RABGAP1: variants seen among roughly 807,000 people sequenced by gnomAD.
RABGAP1 encodes the protein RAB GTPase activating protein 1, also known as rab GTPase-activating protein 1.
Under a neutral mutation model 137.6 loss-of-function variants are expected in RABGAP1, and 23 were observed. The observed-to-expected ratio is 0.17, with a 90% CI of 0.12 to 0.24. The LOEUF is 0.24. Ranked by LOEUF, RABGAP1 falls within the 10% of genes least tolerant of loss-of-function variation. RABGAP1 has a pLI of 1.00. For missense variants in RABGAP1, 906 were observed against 1,275.8 expected (o/e 0.71, Z 4.42); for synonymous variants, 451 against 450.7 (o/e 1.00, Z -0.01).
intron 13 of RABGAP1, among the ~76,000 whole-genome samples, chr9:123,025,285 TA>T (rs1443435139): frequency 6.6e-6 from 1 of 152,206 alleles, no homozygotes; most frequent in Non-Finnish European, 1.5e-5. Context: ...CTGTTTTGAT[TA>T]AAAAGGCTTT....
At chr9:122,960,511 C>G (rs1834797753) in intron 2 of RABGAP1, among the ~76,000 whole-genome samples, 1 of 152,152 alleles carries the variant, frequency 6.6e-6, no homozygotes, top group Admixed American at 6.5e-5. Flanking sequence ...TAGCCAGTCA[C>G]CCAATAAACA....
At chr9:122,970,848 A>G (rs2131683017) in intron 2 of RABGAP1, among the ~76,000 whole-genome samples, 1 of 152,372 alleles carries the variant, frequency 6.6e-6, no homozygotes, top group Admixed American at 6.5e-5. Flanking sequence ...CCATTATAAA[A>G]TAATTAGGAA....
chr9:123,072,167 A>G (rs563185059), intron 15 of RABGAP1, among the ~76,000 whole-genome samples: 46 of 152,306 alleles, frequency 3.0e-4, no homozygotes, highest in African/African-American at 7.2e-4. Context: ...AAGTGTTCCA[A>G]TGAGCATTTC....
rs2035225678 is a variant in RABGAP1 at position 123,097,754 on chromosome 9, C to T, written c.2642C>T (p.Ala881Val). ...RKDLDNAEEKADALNKELLMT... is the reference protein window; with the variant it reads ...RKDLDNAEEKVDALNKELLMT... ...TAAATGTTTCAGGCTGAGGAAAAGGCAGATGCTCTGAATAAGGAGCTGCTG... is the reference window on the plus strand; with the variant it reads ...TAAATGTTTCAGGCTGAGGAAAAGGTAGATGCTCTGAATAAGGAGCTGCTG... Residue 881 changes from alanine to valine, a missense_variant, in exon 22 of 26, where the codon GCA (alanine) becomes GTA (valine). Coordinates refer to ENST00000373647, the MANE Select transcript of RABGAP1 (RefSeq NM_012197.4). 6.2e-7 allele frequency: 1 copy of T among 1,609,192 alleles called. No homozygotes were observed. The highest frequency in any genetic ancestry group is 1.1e-5 in the South Asian group (1 of 89,960).
In RABGAP1 at chr9:122,986,178, T is replaced by G. The variant is rs140400717; in HGVS notation, c.386-37T>G. 10,612 of 1,573,478 alleles carry G rather than the reference T, an allele frequency of 6.7e-3. 48 individuals are homozygous for G. The highest frequency in any genetic ancestry group is 8.5e-3 in the South Asian group (758 of 88,932). ...TAATCGTATCAACAAAATATCAAAG[T>G]GAAAGTAATCACTTCCTTATTCATT... On this transcript the variant is annotated intron_variant, in intron 3 of 25. Transcript: ENST00000373647.
chr9:123,030,730 A>G (rs1343529322), intron 13 of RABGAP1, among the ~76,000 whole-genome samples: 5 of 152,322 alleles, frequency 3.3e-5, no homozygotes, highest in East Asian at 3.9e-4. Flanking sequence ...ATTTGAAACT[A>G]CATAGTATTA....
chr9:122,953,290 G>A (rs963287489), intron 1 of RABGAP1, among the ~76,000 whole-genome samples: 28 of 152,042 alleles, frequency 1.8e-4, no homozygotes, highest in Non-Finnish European at 3.5e-4. Context: ...AATGTTTTAT[G>A]TATAGTCCTT....
At chr9:122,971,228 AG>A (rs1835453583) in intron 2 of RABGAP1, among the ~76,000 whole-genome samples, 1 of 152,176 alleles carries the variant, frequency 6.6e-6, no homozygotes, top group East Asian at 1.9e-4. Flanking sequence ...AATTTGGAGG[AG>A]GGTCTTGCTG....
chr9:122,942,686 A>AAAAAAC (rs1222599057), intron 1 of RABGAP1, among the ~76,000 whole-genome samples: 2 of 151,082 alleles, frequency 1.3e-5, no homozygotes, highest in Non-Finnish European at 3.0e-5. Context: ...AAAAAAAAAA[A>AAAAAAC]AACACAAAAA....
intron 24 of RABGAP1, among the ~76,000 whole-genome samples, chr9:123,100,382 GATGTGTGT>G (rs981926811): frequency 7.7e-6 from 1 of 130,278 alleles, no homozygotes; most frequent in African/African-American, 3.0e-5. Flanking sequence ...TGTTTAACCA[GATGTGTGT>G]GTGTGTGTGT....
chr9:123,068,373 A>G (rs969294696), intron 14 of RABGAP1, among the ~76,000 whole-genome samples: 7 of 151,748 alleles, frequency 4.6e-5, no homozygotes, highest in Non-Finnish European at 8.8e-5. Context: ...AAAAGAAAAA[A>G]TCCATATCTA....
At chr9:122,996,204 C>A in intron 7 of RABGAP1, 53 bp downstream of exon 7, 1 of 1,568,492 alleles carries the variant, frequency 6.4e-7, no homozygotes, top group Non-Finnish European at 8.6e-7. Context: ...TTTTATCAAT[C>A]TAATGGCATA....
chr9:122,934,291 G>T, the RABGAP1 span, among the ~76,000 whole-genome samples: 1 of 151,654 alleles, frequency 6.6e-6, no homozygotes, highest in South Asian at 2.1e-4. Flanking sequence ...TGTTAGCTAG[G>T]ATGGTCTCGA....
intron 14 of RABGAP1, among the ~76,000 whole-genome samples, chr9:123,066,650 C>G (rs2034182123): frequency 6.6e-6 from 1 of 152,178 alleles, no homozygotes; most frequent in Non-Finnish European, 1.5e-5. Context: ...TTGGCTAGCT[C>G]TACACCATCT....
intron 2 of RABGAP1, among the ~76,000 whole-genome samples, chr9:122,984,011 A>G (rs1564377754): frequency 6.6e-6 from 1 of 152,258 alleles, no homozygotes; most frequent in Non-Finnish European, 1.5e-5. Context: ...AGAGACTTGC[A>G]TATGACTGGA....
chr9:123,089,692 G>A, intron 19 of RABGAP1, 66 bp from the exon 20 acceptor site: 2 of 1,305,628 alleles, frequency 1.5e-6, no homozygotes. Context: ...TTGGTCTTCA[G>A]TGCAGGCACT....
chr9:122,993,371 A>G (rs1261375277), intron 6 of RABGAP1, among the ~76,000 whole-genome samples: 1 of 152,064 alleles, frequency 6.6e-6, no homozygotes, highest in Non-Finnish European at 1.5e-5. Context: ...TCCCGGGTTC[A>G]AGTGATTCTA....
chr9:122,964,399 A>G (rs1264783140), intron 2 of RABGAP1, among the ~76,000 whole-genome samples: 1 of 152,216 alleles, frequency 6.6e-6, no homozygotes, highest in Non-Finnish European at 1.5e-5. Flanking sequence ...CAGGAATGTA[A>G]GGTTAGTTTA....
At chr9:123,054,879 T>C (rs2033628640) in intron 13 of RABGAP1, among the ~76,000 whole-genome samples, 1 of 152,226 alleles carries the variant, frequency 6.6e-6, no homozygotes, top group South Asian at 2.1e-4. Context: ...GTGCCATTTT[T>C]ATGACATTAA....
Sources: allele counts gnomAD v4.1 joint callset (sites outside exome capture counted in the v4.1 genomes callset), GRCh38; gene constraint gnomAD v4.1.1; transcripts MANE v1.5; gene names NCBI Gene and HGNC (gene_info 2026-07-23, HGNC 2026-07-21).